Variants in ANKIB1 observed in about 807,000 individuals in gnomAD.
ANKIB1 encodes ankyrin repeat and IBR domain containing 1, also known as ankyrin repeat and IBR domain-containing protein 1.
In ANKIB1, 43 loss-of-function variants were observed where a neutral mutation model predicts 122.1. The observed-to-expected ratio is 0.35, with a 90% CI of 0.28 to 0.45. The LOEUF (loss-of-function observed/expected upper bound fraction) is 0.45. Ranked by LOEUF, ANKIB1 falls within the 20% of genes least tolerant of loss-of-function variation. The probability of loss-of-function intolerance (pLI) is 1.00; values close to 1 mark genes in which losing one functional copy is unlikely to be tolerated. For missense variants in ANKIB1, 992 were observed against 1,329.5 expected (o/e 0.75, Z 3.95); for synonymous variants, 390 against 442.0 (o/e 0.88, Z 1.48).
intron 17 of ANKIB1, among the ~76,000 whole-genome samples, chr7:92,393,616 C>T (rs1804830483): frequency 6.6e-6 from 1 of 152,102 alleles, no homozygotes; most frequent in Non-Finnish European, 1.5e-5. Flanking sequence ...CTTGCAGCTT[C>T]TGGCTCTGAC....
intron 7 of ANKIB1, among the ~76,000 whole-genome samples, chr7:92,350,595 C>T (rs1296256906): frequency 1.3e-5 from 2 of 152,094 alleles, no homozygotes; most frequent in Admixed American, 6.5e-5. Context: ...CAGTAGTTCA[C>T]GCATATAACC....
At chr7:92,368,539 A>G (rs933703200) in intron 10 of ANKIB1, among the ~76,000 whole-genome samples, 3 of 152,036 alleles carry the variant, frequency 2.0e-5, no homozygotes, top group African/African-American at 7.3e-5. Context: ...CAACATGGTG[A>G]AACCCCGTCT....
intron 11 of ANKIB1, among the ~76,000 whole-genome samples, chr7:92,378,450 A>G (rs920304755): frequency 6.9e-6 from 1 of 145,242 alleles, no homozygotes; most frequent in Non-Finnish European, 1.5e-5. Context: ...AAAATTACAT[A>G]TTTTCTATAG....
At position 92,340,937 on chromosome 7, in the gene ANKIB1, A is replaced by G. The variant is rs969975409; in HGVS notation, c.788-2087A>G. On this transcript the variant is annotated intron_variant, in intron 5 of 19. Coordinates refer to ENST00000265742, the MANE Select transcript of ANKIB1 (RefSeq NM_019004.2). Reference sequence around the variant, plus strand: ...ATAACAGTGAACTATAAGTTTATAAATGTTTAAAAGAACTGTAACACCCAT... The same window carrying G: ...ATAACAGTGAACTATAAGTTTATAAGTGTTTAAAAGAACTGTAACACCCAT... Among the ~76,000 whole-genome samples, 8 of 152,336 alleles carry G rather than the reference A, an allele frequency of 5.3e-5. No homozygotes were observed. The South Asian group carries it at 8.3e-4, about 16-fold the overall frequency.
chr7:92,333,785 A>G (rs1562784852), intron 5 of ANKIB1, among the ~76,000 whole-genome samples: 1 of 152,196 alleles, frequency 6.6e-6, no homozygotes, highest in African/African-American at 2.4e-5. Context: ...GCTGAAAAAT[A>G]TGGTAGAAAA....
In ANKIB1 at chr7:92,314,108, G is replaced by A. The variant is rs147542141; in HGVS notation, c.487-5222G>A. Among the ~76,000 whole-genome samples, 241 of 152,012 alleles carry A rather than the reference G, an allele frequency of 1.6e-3. 2 individuals carry two copies. The highest frequency in any genetic ancestry group is 5.5e-3 in the African/African-American group (230 of 41,466). ...AGCCCAAAAGTTCAAGATCAGCCTGGGCAACATAGTGAGAGCTTGTTTCTA... is the reference window on the plus strand; with the variant it reads ...AGCCCAAAAGTTCAAGATCAGCCTGAGCAACATAGTGAGAGCTTGTTTCTA... On this transcript the variant is annotated intron_variant, in intron 3 of 19. Coordinates refer to ENST00000265742, the MANE Select transcript of ANKIB1 (RefSeq NM_019004.2).
Position 92,360,631 on chromosome 7 carries a change from G to A in ANKIB1, c.1398-1554G>A, listed in dbSNP as rs144793182. On this transcript the variant is annotated intron_variant, in intron 9 of 19. Coordinates refer to ENST00000265742, the MANE Select transcript of ANKIB1 (RefSeq NM_019004.2). ...TTGCTGAATCATATGGTAATTCTAA[G>A]TTTAACTTTATGAGGAGTCACCAAA... Among the ~76,000 whole-genome samples the A allele has an allele frequency of 1.4e-4, 21 of 152,268 alleles. No homozygotes were observed. The East Asian group carries it at 3.9e-3, about 28-fold the overall frequency.
At chr7:92,252,538 C>T (rs1408812538) in intron 1 of ANKIB1, among the ~76,000 whole-genome samples, 3 of 151,958 alleles carry the variant, frequency 2.0e-5, no homozygotes, top group Non-Finnish European at 2.9e-5. Context: ...AGGCACCCAC[C>T]ACCACTCCCA....
intron 1 of ANKIB1, among the ~76,000 whole-genome samples, chr7:92,253,934 T>C (rs934818772): frequency 3.3e-5 from 5 of 152,196 alleles, no homozygotes; most frequent in Non-Finnish European, 7.3e-5. Flanking sequence ...GCCTTGTGAC[T>C]TACTTTGACG....
At position 92,294,905 on chromosome 7, in the gene ANKIB1, C is replaced by T; in HGVS notation, c.-74C>T. 1 of 1,091,684 alleles carries T rather than the reference C, an allele frequency of 9.2e-7. No individual in the cohort carries two copies. The highest frequency in any genetic ancestry group is 1.9e-5 in the South Asian group (1 of 53,544). 67.6% of individuals were successfully genotyped at this position (1,091,684 alleles called of 1,614,324 possible). A position where few individuals can be genotyped will look rare whatever the true frequency, so the allele number is the denominator to read the frequency against. On this transcript the variant is annotated 5_prime_UTR_variant, in exon 2 of 20. It introduces an in-frame stop codon into an upstream open reading frame of the 5' UTR. Coordinates refer to ENST00000265742, the MANE Select transcript of ANKIB1 (RefSeq NM_019004.2). The stretch of plus-strand genomic sequence containing the variant: ...CTTCATTAGAATGTGAAAGATGTTG[C>T]AGAAGTGTTCCAGAAGTGGCTGAAG...
intron 1 of ANKIB1, among the ~76,000 whole-genome samples, chr7:92,265,119 A>C (rs919971209): frequency 1.3e-5 from 2 of 152,100 alleles, no homozygotes; most frequent in African/African-American, 4.8e-5. Context: ...CTAGGACTAC[A>C]TGTGTGTACC....
chr7:92,257,480 G>A (rs376895180), intron 1 of ANKIB1, among the ~76,000 whole-genome samples: 21 of 152,184 alleles, frequency 1.4e-4, no homozygotes, highest in East Asian at 3.9e-4. Flanking sequence ...TTTTATTTCC[G>A]GAAAGCAATT....
At chr7:92,353,581 T>A (rs1803710646) in intron 9 of ANKIB1, among the ~76,000 whole-genome samples, 1 of 152,212 alleles carries the variant, frequency 6.6e-6, no homozygotes, top group Non-Finnish European at 1.5e-5. Context: ...AGAAACTAAG[T>A]GTATCACTGC....
intron 1 of ANKIB1, among the ~76,000 whole-genome samples, chr7:92,288,269 T>A (rs1226659816): frequency 2.0e-5 from 3 of 152,164 alleles, no homozygotes; most frequent in Non-Finnish European, 4.4e-5. Context: ...CCCCAAAAAA[T>A]AGGTACTTAG....
At position 92,350,292 on chromosome 7, in the gene ANKIB1, A is replaced by C. The variant is rs188211687; in HGVS notation, c.1086-658A>C. 2.1e-3 allele frequency among the ~76,000 whole-genome samples: 318 copies of C among 152,242 alleles called. 1 individual carries two copies. The highest frequency in any genetic ancestry group is 7.2e-3 in the African/African-American group (299 of 41,558). ...ATTGCCCCCTTTTCTTTAAAGCTGT[A>C]GCATATTGAGAATTGAATATGACCT... On this transcript the variant is annotated intron_variant, in intron 7 of 19. Transcript: ENST00000265742.
intron 1 of ANKIB1, among the ~76,000 whole-genome samples, chr7:92,268,641 A>G (rs1801722034): frequency 6.6e-6 from 1 of 152,010 alleles, no homozygotes; most frequent in South Asian, 2.1e-4. Flanking sequence ...ACACCTGGCT[A>G]ATTTTTGTAT....
In ANKIB1 at chr7:92,246,314, C is replaced by T. The variant is rs1401803792; in HGVS notation, c.-296C>T. On this transcript the variant is annotated 5_prime_UTR_variant, in exon 1 of 20. Coordinates refer to ENST00000265742, the MANE Select transcript of ANKIB1 (RefSeq NM_019004.2). The stretch of plus-strand genomic sequence containing the variant: ...CGCCTTCGGCTCACGCAGCGCTTCC[C>T]GCGGGCCGCCAGTGCGCACCCTCGG... 2 of 409,592 alleles carry T rather than the reference C, an allele frequency of 4.9e-6. No homozygotes were observed. Among genetic ancestry groups the T allele is most frequent in the East Asian group, 9.0e-5 (1 of 11,134 alleles). 25.4% of individuals were successfully genotyped at this position (409,592 alleles called of 1,614,324 possible).
chr7:92,339,111 T>G (rs867081512), intron 5 of ANKIB1, among the ~76,000 whole-genome samples: 26 of 141,448 alleles, frequency 1.8e-4, no homozygotes, highest in African/African-American at 6.1e-4. Context: ...GCACTATCTC[T>G]GCTCACTGCA....
chr7:92,311,400 A>G (rs1230259606), intron 3 of ANKIB1, among the ~76,000 whole-genome samples: 4 of 152,144 alleles, frequency 2.6e-5, no homozygotes, highest in Non-Finnish European at 2.9e-5. Context: ...TTTTAACACA[A>G]ATTCTCTATT....
Sources: gnomAD v4.1 joint callset for allele counts (sites outside exome capture counted in the v4.1 genomes callset) on GRCh38, gnomAD v4.1.1 for gene constraint, MANE v1.5 for transcripts, NCBI Gene and HGNC (gene_info 2026-07-23, HGNC 2026-07-21) for gene names.